HECW2: variants seen among roughly 807,000 people sequenced by gnomAD.
HECW2 encodes E3 ubiquitin-protein ligase HECW2.
In HECW2, 61 loss-of-function variants were observed where a neutral mutation model predicts 175.2. The observed-to-expected ratio is 0.35, with a 90% CI of 0.28 to 0.43. The LOEUF (loss-of-function observed/expected upper bound fraction) is 0.43, where lower values mean the gene tolerates loss of function less well. HECW2 is among the 20% of genes least tolerant of loss of function. HECW2 has a pLI of 1.00. For missense variants in HECW2, 1,524 were observed against 2,000.5 expected (o/e 0.76, Z 4.54); for synonymous variants, 671 against 731.0 (o/e 0.92, Z 1.32).
chr2:196,238,627 T>C (rs1279877064), intron 21 of HECW2: 3 of 152,182 alleles, frequency 2.0e-5, no homozygotes, highest in Admixed American at 6.5e-5. Flanking sequence ...CAATAAACCA[T>C]ATGCAGAGTG....
intron 28 of HECW2, among the ~76,000 whole-genome samples, chr2:196,205,937 T>G (rs1392249911): frequency 6.6e-6 from 1 of 152,162 alleles, no homozygotes; most frequent in East Asian, 1.9e-4. Context: ...TGAGGAATAG[T>G]GTGGTTAAAT....
At chr2:196,488,315 A>T (rs1382142188) in intron 1 of HECW2, among the ~76,000 whole-genome samples, 1 of 152,236 alleles carries the variant, frequency 6.6e-6, no homozygotes. Flanking sequence ...TATATTTCTG[A>T]CAAATATTTC....
intron 3 of HECW2, among the ~76,000 whole-genome samples, chr2:196,336,096 C>T (rs192296003): frequency 1.3e-5 from 2 of 152,092 alleles, no homozygotes; most frequent in African/African-American, 4.8e-5. Context: ...TAAGGAGTGG[C>T]AAAAGCAGGG....
In HECW2 at chr2:196,194,541, T is replaced by C. The variant is rs1045244819; in HGVS notation, c.*6736A>G. 7 of 152,152 alleles carry C rather than the reference T, an allele frequency of 4.6e-5. No homozygotes were observed. The highest frequency in any genetic ancestry group is 1.0e-4 in the Non-Finnish European group (7 of 68,008). 9.4% of individuals were successfully genotyped at this position (152,152 alleles called of 1,614,324 possible). A position where few individuals can be genotyped will look rare whatever the true frequency, so the allele number is the denominator to read the frequency against. On this transcript the variant is annotated 3_prime_UTR_variant, in exon 29 of 29. Transcript: ENST00000644978. ...TACAACAAAAGAGTCAGGGGTTCAGTTGAGAATAAGAATACAGACTTCCCA... is the reference window on the plus strand; with the variant it reads ...TACAACAAAAGAGTCAGGGGTTCAGCTGAGAATAAGAATACAGACTTCCCA...
At chr2:196,464,984 C>T (rs763188287) in intron 1 of HECW2, among the ~76,000 whole-genome samples, 17 of 151,948 alleles carry the variant, frequency 1.1e-4, no homozygotes, top group Non-Finnish European at 4.4e-5. Flanking sequence ...GGAGGTGAGC[C>T]GAAATCGCGC....
intron 15 of HECW2, 30 bp downstream of exon 15, chr2:196,278,498 A>G (rs746963261): frequency 1.2e-5 from 20 of 1,606,568 alleles, no homozygotes; most frequent in Non-Finnish European, 1.5e-5. Flanking sequence ...CTATCAACCA[A>G]CAGGTCAGTC....
At chr2:196,465,051 T>C (rs1157428510) in intron 1 of HECW2, among the ~76,000 whole-genome samples, 2 of 152,082 alleles carry the variant, frequency 1.3e-5, no homozygotes, top group East Asian at 1.9e-4. Flanking sequence ...AAGAAGGGGA[T>C]AGCAATACCC....
intron 13 of HECW2, among the ~76,000 whole-genome samples, chr2:196,300,696 A>G (rs1455885063): frequency 1.3e-5 from 2 of 152,076 alleles, no homozygotes; most frequent in Non-Finnish European, 1.5e-5. Context: ...ATCTATATCT[A>G]TACACATATA....
chr2:196,298,333 A>G (rs917346979), intron 13 of HECW2, among the ~76,000 whole-genome samples: 5 of 151,396 alleles, frequency 3.3e-5, no homozygotes, highest in Non-Finnish European at 5.9e-5. Flanking sequence ...AATAATTCCT[A>G]AAGCAACCAC....
At chr2:196,240,311 G>A in intron 21 of HECW2, 138 bp downstream of exon 21, 2 of 444,320 alleles carry the variant, frequency 4.5e-6, no homozygotes, top group Non-Finnish European at 3.9e-6. Flanking sequence ...AAAAAAAAAA[G>A]CCCAAAGGTT....
intron 1 of HECW2, among the ~76,000 whole-genome samples, chr2:196,468,241 C>T (rs1279019735): frequency 1.3e-5 from 2 of 152,186 alleles, no homozygotes; most frequent in African/African-American, 4.8e-5. Context: ...GTGATCCGCC[C>T]GCCTTGGCCT....
chr2:196,499,922 G>C (rs1687520270), intron 1 of HECW2, among the ~76,000 whole-genome samples: 1 of 152,024 alleles, frequency 6.6e-6, no homozygotes, highest in South Asian at 2.1e-4. Context: ...ACCTTTCAAA[G>C]AGACATGACT....
intron 1 of HECW2, among the ~76,000 whole-genome samples, chr2:196,492,616 T>C (rs1687240896): frequency 6.6e-6 from 1 of 152,204 alleles, no homozygotes; most frequent in Non-Finnish European, 1.5e-5. Flanking sequence ...CCTTATGAAA[T>C]ACTTGTTTCT....
intron 2 of HECW2, among the ~76,000 whole-genome samples, chr2:196,432,020 G>T (rs139377314): frequency 3.2e-4 from 49 of 152,298 alleles, no homozygotes; most frequent in Admixed American, 1.3e-3. Flanking sequence ...TCTCAACAGT[G>T]GTGCTATTGG....
chr2:196,420,837 TG>T, intron 2 of HECW2, among the ~76,000 whole-genome samples: 1 of 152,106 alleles, frequency 6.6e-6, no homozygotes, highest in South Asian at 2.1e-4. Context: ...AATATGTCTA[TG>T]AAAAAAACAC....
intron 28 of HECW2, among the ~76,000 whole-genome samples, chr2:196,213,507 C>T (rs2105794789): frequency 6.6e-6 from 1 of 152,236 alleles, no homozygotes; most frequent in Non-Finnish European, 1.5e-5. Flanking sequence ...GCAGAAAAGC[C>T]AAGTAACTCT....
At chr2:196,253,861 AC>A in intron 19 of HECW2, 58 bp downstream of exon 19, 1 of 1,499,070 alleles carries the variant, frequency 6.7e-7, no homozygotes, top group Non-Finnish European at 9.3e-7. Context: ...GGAGGATAGA[AC>A]ATCTGGCTTG....
intron 17 of HECW2, among the ~76,000 whole-genome samples, chr2:196,265,024 G>A (rs1029108263): frequency 7.2e-5 from 11 of 152,120 alleles, no homozygotes; most frequent in African/African-American, 2.7e-4. Context: ...TTGGCCCTCA[G>A]TAATTTCCAG....
At chr2:196,285,216 T>C (rs767037443) in intron 14 of HECW2, among the ~76,000 whole-genome samples, 6 of 152,192 alleles carry the variant, frequency 3.9e-5, no homozygotes, top group Non-Finnish European at 8.8e-5. Context: ...GAAAAAGCCA[T>C]CACTATTTAT....
Sources: gnomAD v4.1 joint callset for allele counts (sites outside exome capture counted in the v4.1 genomes callset) on GRCh38, gnomAD v4.1.1 for gene constraint, MANE v1.5 for transcripts, NCBI Gene and HGNC (gene_info 2026-07-23, HGNC 2026-07-21) for gene names.